KIAA1671: variants seen among roughly 807,000 people sequenced by gnomAD.
The protein encoded by KIAA1671 is uncharacterized protein KIAA1671.
KIAA1671 carries 52 observed loss-of-function variants against 131.2 expected under a neutral mutation model. The observed-to-expected ratio is 0.40, with a 90% CI of 0.32 to 0.50. KIAA1671 has a LOEUF of 0.50. Among genes scored for constraint, KIAA1671 ranks in the 20% least tolerant of loss-of-function variants. The pLI is 0.73. For synonymous variants in KIAA1671, 1,003 were observed against 961.6 expected (o/e 1.04, Z -0.80); for missense variants, 2,360 against 2,364.2 (o/e 1.00, Z 0.04).
At chr22:25,004,920 T>C (rs1428141790) in intron 1 of KIAA1671, among the ~76,000 whole-genome samples, 1 of 151,374 alleles carries the variant, frequency 6.6e-6, no homozygotes, top group Non-Finnish European at 1.5e-5. Flanking sequence ...CACTCCAGCC[T>C]GGGCAACAGA....
At position 25,041,013 on chromosome 22, in the gene KIAA1671, C is replaced by T; in HGVS notation, c.3883C>T (p.Pro1295Ser). Residue 1295 changes from proline (P) to serine (S), a missense_variant, in exon 5 of 13, where the codon CCC becomes TCC. Coordinates refer to ENST00000358431, the MANE Select transcript of KIAA1671 (RefSeq NM_001145206.2). ...ETAMGTKSSPPFWALPPSAPS... is the reference protein window; with the variant it reads ...ETAMGTKSSPSFWALPPSAPS... ...AGCCATGGGCACCAAATCTAGCCCT[C>T]CCTTCTGGGCTCTGCCACCCTCGGC... is the stretch of plus-strand genomic sequence containing the variant. The T allele has an allele frequency of 6.8e-7, 1 of 1,480,174 alleles. No individual in the cohort carries two copies. Among genetic ancestry groups the T allele is most frequent in the Admixed American group, 2.5e-5 (1 of 39,266 alleles). 91.7% of individuals were successfully genotyped at this position (1,480,174 alleles called of 1,614,324 possible). A position where few individuals can be genotyped will look rare whatever the true frequency, so the allele number is the denominator to read the frequency against.
In KIAA1671 at chr22:25,047,151, C is replaced by CT. The variant is rs140590311; in HGVS notation, c.4396-2062dup. On this transcript the variant is annotated intron_variant, in intron 5 of 12. Coordinates refer to ENST00000358431, the MANE Select transcript of KIAA1671 (RefSeq NM_001145206.2). ...ACACCTGGCTAATTTTTTTTCTTTT[C>CT]TTTTTTTTTTTTTTTTTGAGACAGA... 1.1e-3 allele frequency among the ~76,000 whole-genome samples: 133 copies of CT among 121,686 alleles called. 2 individuals are homozygous for CT. The highest frequency in any genetic ancestry group is 6.3e-3 in the East Asian group (27 of 4,284). The allele number at this position is 121,686 out of a possible 152,430, so 79.8% of individuals were successfully genotyped here. A position where few individuals can be genotyped will look rare whatever the true frequency, so the allele number is the denominator to read the frequency against.
At chr22:25,144,019 T>A (rs1346072747) in intron 6 of KIAA1671, among the ~76,000 whole-genome samples, 1 of 151,478 alleles carries the variant, frequency 6.6e-6, no homozygotes, top group African/African-American at 2.4e-5. Context: ...AAAAAAAAAA[T>A]GAACTAAAAA....
intron 1 of KIAA1671, among the ~76,000 whole-genome samples, chr22:24,966,049 G>A (rs1466757771): frequency 6.6e-6 from 1 of 152,188 alleles, no homozygotes; most frequent in African/African-American, 2.4e-5. Context: ...GAAACGCCTT[G>A]CTTCGCAGCT....
chr22:24,978,215 C>A (rs906145798), intron 1 of KIAA1671, among the ~76,000 whole-genome samples: 4 of 152,120 alleles, frequency 2.6e-5, no homozygotes, highest in Admixed American at 6.6e-5. Flanking sequence ...ATTTGAATCA[C>A]GGGGGCGGTT....
intron 1 of KIAA1671, among the ~76,000 whole-genome samples, chr22:24,990,414 C>G (rs758009530): frequency 1.3e-5 from 2 of 152,186 alleles, no homozygotes; most frequent in Admixed American, 6.5e-5. Context: ...GTGTGTTCCT[C>G]CCTACATGAC....
intron 6 of KIAA1671, among the ~76,000 whole-genome samples, chr22:25,148,935 G>T (rs1326072746): frequency 1.3e-5 from 2 of 152,156 alleles, no homozygotes; most frequent in African/African-American, 4.8e-5. Flanking sequence ...CTCTGACTGG[G>T]CTGATCTATA....
chr22:25,055,801 TAGATATAG>T (rs1927804740), intron 6 of KIAA1671: 1 of 116,602 alleles, frequency 8.6e-6, no homozygotes, highest in Non-Finnish European at 1.9e-5. Flanking sequence ...TAGATATAGA[TAGATATAG>T]ATATAGATAT....
intron 6 of KIAA1671, chr22:25,057,975 C>T (rs984126558): frequency 7.9e-5 from 12 of 152,064 alleles, no homozygotes; most frequent in African/African-American, 2.7e-4. Context: ...ATCCTAGCAC[C>T]CTGTGGCAGA....
Position 25,038,846 on chromosome 22 carries a change from G to T in KIAA1671, c.1716G>T (p.Thr572=), listed in dbSNP as rs1270006660. The T allele has an allele frequency of 1.3e-6, 2 of 1,551,744 alleles. No individual in the cohort carries two copies. Among genetic ancestry groups the T allele is most frequent in the Admixed American group, 2.0e-5 (1 of 51,002 alleles). ...PGTLRDKSRQ[T]EQKVSSNQDP... Reference sequence around the variant, plus strand: ...CACTCCGGGATAAGTCCAGGCAGACGGAGCAGAAGGTTAGCTCTAACCAAG... The same window carrying T: ...CACTCCGGGATAAGTCCAGGCAGACTGAGCAGAAGGTTAGCTCTAACCAAG... Residue 572 remains threonine, a synonymous_variant, in exon 5 of 13, where the codon ACG becomes ACT. Coordinates refer to ENST00000358431, the MANE Select transcript of KIAA1671 (RefSeq NM_001145206.2).
At chr22:25,151,074 TC>T (rs1933023646) in intron 6 of KIAA1671, among the ~76,000 whole-genome samples, 2 of 152,004 alleles carry the variant, frequency 1.3e-5, no homozygotes, top group South Asian at 4.1e-4. Flanking sequence ...GACCTCATGA[TC>T]CGCCTGCCTC....
At chr22:25,098,098 T>C (rs971322958) in intron 6 of KIAA1671, among the ~76,000 whole-genome samples, 1 of 152,066 alleles carries the variant, frequency 6.6e-6, no homozygotes, top group Non-Finnish European at 1.5e-5. Flanking sequence ...GTTGTGAAAA[T>C]TGACACTTAC....
intron 6 of KIAA1671, among the ~76,000 whole-genome samples, chr22:25,143,579 C>T (rs1932835608): frequency 6.6e-6 from 1 of 152,144 alleles, no homozygotes; most frequent in South Asian, 2.1e-4. Context: ...CTGGTCTCCA[C>T]TCATCTGGTT....
intron 1 of KIAA1671, among the ~76,000 whole-genome samples, chr22:24,979,005 T>C (rs182235457): frequency 6.7e-6 from 1 of 150,322 alleles, no homozygotes; most frequent in Admixed American, 6.6e-5. Flanking sequence ...ATCATTTTTT[T>C]TTTTTTTTGA....
At chr22:25,051,622 CT>C in intron 6 of KIAA1671, 1 of 152,248 alleles carries the variant, frequency 6.6e-6, no homozygotes, top group Middle Eastern at 3.0e-3. Flanking sequence ...CTCTCCTCTG[CT>C]TTTTTTCTCA....
intron 6 of KIAA1671, among the ~76,000 whole-genome samples, chr22:25,141,905 G>A (rs985600312): frequency 1.3e-5 from 2 of 152,204 alleles, no homozygotes; most frequent in Non-Finnish European, 2.9e-5. Context: ...TGTTAGCTCC[G>A]TGACCTTGGT....
At chr22:25,136,078 T>C (rs1292080175) in intron 6 of KIAA1671, among the ~76,000 whole-genome samples, 1 of 152,212 alleles carries the variant, frequency 6.6e-6, no homozygotes, top group Non-Finnish European at 1.5e-5. Flanking sequence ...GCACAGCCTA[T>C]CCCAGAGTTG....
chr22:25,112,591 GCCCA>G (rs1473227914), intron 6 of KIAA1671: 5 of 393,714 alleles, frequency 1.3e-5, no homozygotes, highest in South Asian at 1.4e-4. Flanking sequence ...GTCAGTCAAA[GCCCA>G]GGCACTTCCT....
At chr22:25,185,258 C>T in intron 11 of KIAA1671, 139 bp downstream of exon 11, 1 of 972,160 alleles carries the variant, frequency 1.0e-6, no homozygotes, top group Non-Finnish European at 1.5e-6. Context: ...AAGCTTTGTT[C>T]ATGAGAATTC....
Sources: gnomAD v4.1 joint callset for allele counts (sites outside exome capture counted in the v4.1 genomes callset) on GRCh38, gnomAD v4.1.1 for gene constraint, MANE v1.5 for transcripts, NCBI Gene and HGNC (gene_info 2026-07-23, HGNC 2026-07-21) for gene names.